Variants in GALNT14 observed in about 807,000 individuals in gnomAD.
GALNT14 encodes UDP-GalNAc:polypeptide N-acetylgalactosaminyltransferase 14.
A neutral mutation model predicts 77.5 loss-of-function variants in GALNT14; 60 were observed. The ratio of observed to expected loss-of-function variants is 0.77; its 90% CI spans 0.63 to 0.96. GALNT14 has a LOEUF of 0.96. Ranked by LOEUF, GALNT14 falls within the 40% of genes least tolerant of loss-of-function variation. GALNT14 has a pLI of 0.00. For missense variants in GALNT14, 710 were observed against 731.0 expected, an observed-to-expected ratio of 0.97 and a Z score of 0.33; for synonymous variants, 280 against 281.7, an observed-to-expected ratio of 0.99 and a Z score of 0.06.
rs138204092 is a variant in GALNT14 at position 30,944,886 on chromosome 2, G to T, written c.799C>A (p.Arg267=). 9 of 1,610,326 alleles carry T rather than the reference G, an allele frequency of 5.6e-6. No individual in the cohort carries two copies. The African/African-American group carries it at 1.2e-4, about 22-fold the overall frequency. The change falls in exon 8 of 15, where the codon CGG becomes AGG. Residue 267 remains arginine (R), a synonymous_variant. Transcript: ENST00000349752. ...ATGGGCTCCGTGGGGTCCAGGCGCC[G>T]AGCCTTCTGCTCTGGGGAGAGCTGC... ...WEQLSPEQKA[R]RLDPTEPIRT...
rs766100424 is a variant in GALNT14, at chr2:30,910,900, C to T, written c.*1G>A. 1.7e-5 allele frequency: 27 copies of T among 1,613,484 alleles called. No individual in the cohort carries two copies. The highest frequency in any genetic ancestry group is 2.2e-5 in the Non-Finnish European group (26 of 1,179,786). ...GCCCTTGCTGCTTCTGGCAGGGGTC[C>T]TCAAGAGCTCACCATGTCCCAGTGC... On this transcript the variant is annotated 3_prime_UTR_variant, in exon 15 of 15. Coordinates refer to ENST00000349752, the MANE Select transcript of GALNT14 (RefSeq NM_024572.4).
At position 30,914,319 on chromosome 2, in the gene GALNT14, C is replaced by T. The variant is rs1427986293; in HGVS notation, c.1381-1977G>A. On this transcript the variant is annotated intron_variant, in intron 13 of 14. Transcript: ENST00000349752. ...TGATGCTGGAGAGTTAGGGCCGGCT[C>T]TGAGCTCTTTTAGATAACCTTAATC... Among the ~76,000 whole-genome samples, 3 of 152,312 alleles carry T rather than the reference C, an allele frequency of 2.0e-5. No individual in the cohort carries two copies. In the East Asian group the frequency reaches 5.8e-4, roughly 29 times the overall value.
chr2:31,081,187 T>C (rs570566221), intron 1 of GALNT14, among the ~76,000 whole-genome samples: 2 of 152,282 alleles, frequency 1.3e-5, no homozygotes, highest in East Asian at 1.9e-4. Context: ...TCAGAAATGG[T>C]AAAGCTCAGT....
At chr2:31,094,422 T>G (rs1676903333) in intron 1 of GALNT14, among the ~76,000 whole-genome samples, 1 of 152,222 alleles carries the variant, frequency 6.6e-6, no homozygotes, top group Non-Finnish European at 1.5e-5. Flanking sequence ...GCAAAGCCTG[T>G]TTGGTGGTCT....
the GALNT14 span, among the ~76,000 whole-genome samples, chr2:30,902,233 T>C: frequency 6.6e-6 from 1 of 152,114 alleles, no homozygotes; most frequent in African/African-American, 2.4e-5. Context: ...AATGGCTGCT[T>C]TGCTCACTTT....
Position 31,038,723 on chromosome 2 carries a change from CT to C in GALNT14, c.130-45717del, listed in dbSNP as rs372253355. On this transcript the variant is annotated intron_variant, in intron 1 of 14. Coordinates refer to ENST00000349752, the MANE Select transcript of GALNT14 (RefSeq NM_024572.4). ...GGGCAAGTTAAAATCCCACGAAGCTCTTTATTCTTAGTGAGATTCAGCAATT... is the reference window on the plus strand; with the variant it reads ...GGGCAAGTTAAAATCCCACGAAGCTCTTATTCTTAGTGAGATTCAGCAATT... 2.8e-3 allele frequency among the ~76,000 whole-genome samples: 417 copies of C among 150,070 alleles called. 4 individuals carry two copies. The highest frequency in any genetic ancestry group is 9.7e-3 in the African/African-American group (397 of 40,798).
intron 2 of GALNT14, among the ~76,000 whole-genome samples, chr2:30,977,841 C>A (rs1331135403): frequency 6.6e-6 from 1 of 152,162 alleles, no homozygotes; most frequent in Non-Finnish European, 1.5e-5. Context: ...ATACTGCACT[C>A]AAATCTGCCT....
intron 1 of GALNT14, among the ~76,000 whole-genome samples, chr2:31,023,936 C>T (rs1273456391): frequency 6.6e-6 from 1 of 152,156 alleles, no homozygotes; most frequent in Non-Finnish European, 1.5e-5. Flanking sequence ...CTCCAACCCT[C>T]TCATATCCAA....
At chr2:31,043,374 T>C (rs1466146347) in intron 1 of GALNT14, among the ~76,000 whole-genome samples, 1 of 152,224 alleles carries the variant, frequency 6.6e-6, no homozygotes, top group East Asian at 1.9e-4. Flanking sequence ...CTTGCTAAAA[T>C]AAAAATGAGT....
At chr2:30,953,476 T>C (rs940144800) in intron 6 of GALNT14, among the ~76,000 whole-genome samples, 1 of 152,054 alleles carries the variant, frequency 6.6e-6, no homozygotes, top group African/African-American at 2.4e-5. Context: ...ACTCAGCTAA[T>C]TTTTTATATT....
rs1230842010 is a variant in GALNT14 at position 30,972,917 on chromosome 2, C to T, written c.300-6615G>A. 4.6e-5 allele frequency among the ~76,000 whole-genome samples: 7 copies of T among 152,154 alleles called. No homozygotes were observed. The East Asian group carries it at 1.4e-3, about 29-fold the overall frequency. On this transcript the variant is annotated intron_variant, in intron 2 of 14. Coordinates refer to ENST00000349752, the MANE Select transcript of GALNT14 (RefSeq NM_024572.4). Reference sequence around the variant, plus strand: ...TTCCACTGGAGTCTGATCAGGTGGGCGAAGATGTGACCTCAGCAAGGCCCT... The same window carrying T: ...TTCCACTGGAGTCTGATCAGGTGGGTGAAGATGTGACCTCAGCAAGGCCCT...
At chr2:30,898,751 G>T in the GALNT14 span, among the ~76,000 whole-genome samples, 1 of 152,144 alleles carries the variant, frequency 6.6e-6, no homozygotes, top group African/African-American at 2.4e-5. Context: ...CTGCCACTCA[G>T]TTGCTGGGGA....
chr2:31,082,530 A>G (rs924875356), intron 1 of GALNT14, among the ~76,000 whole-genome samples: 10 of 152,280 alleles, frequency 6.6e-5, no homozygotes, highest in Admixed American at 2.6e-4. Context: ...GAAGCTGAAA[A>G]CATGAATTAG....
chr2:30,971,907 G>A (rs566573641), intron 2 of GALNT14, among the ~76,000 whole-genome samples: 4 of 152,188 alleles, frequency 2.6e-5, no homozygotes, highest in Non-Finnish European at 5.9e-5. Context: ...AGCCTATAAC[G>A]GAGAGCGTGA....
At chr2:30,930,523 T>C (rs1292273976) in intron 10 of GALNT14, among the ~76,000 whole-genome samples, 1 of 152,164 alleles carries the variant, frequency 6.6e-6, no homozygotes, top group East Asian at 1.9e-4. Flanking sequence ...CCCTCAGCCA[T>C]CAGGCGTACC....
chr2:31,057,368 GTGTGTGTA>G lies in GALNT14; in HGVS notation c.130-64369_130-64362del, dbSNP rs1223243138. Among the ~76,000 whole-genome samples the G allele has an allele frequency of 5.3e-3, 447 of 84,666 alleles. 1 individual carries two copies. The highest frequency in any genetic ancestry group is 7.9e-3 in the Non-Finnish European group (333 of 41,968). The allele number at this position is 84,666 out of a possible 152,430, so 55.5% of individuals were successfully genotyped here. ...TATATATGTGTGTGTGTGTGTGTGT[GTGTGTGTA>G]TATATATATATATATATACACAGCT... On this transcript the variant is annotated intron_variant, in intron 1 of 14. Transcript: ENST00000349752.
rs565666049 is a variant in GALNT14 at position 31,098,489 on chromosome 2, C to T, written c.129+39469G>A. Reference sequence around the variant, plus strand: ...TTTATGTGGTTCAAAATTAAAAAGGCATGCAATGAAACATTTCCCTTCTAC... The same window carrying T: ...TTTATGTGGTTCAAAATTAAAAAGGTATGCAATGAAACATTTCCCTTCTAC... On this transcript the variant is annotated intron_variant, in intron 1 of 14. Coordinates refer to ENST00000349752, the MANE Select transcript of GALNT14 (RefSeq NM_024572.4). Among the ~76,000 whole-genome samples the T allele has an allele frequency of 6.6e-5, 10 of 152,216 alleles. No homozygotes were observed. In the East Asian group the frequency reaches 1.9e-3, roughly 29 times the overall value.
chr2:30,924,427 A>T (rs892920935), intron 12 of GALNT14, 164 bp from the exon 13 acceptor site: 12 of 714,818 alleles, frequency 1.7e-5, no homozygotes, highest in Non-Finnish European at 2.6e-5. Context: ...ATGAGGTGGC[A>T]AGGAAAGACC....
intron 6 of GALNT14, among the ~76,000 whole-genome samples, chr2:30,948,026 G>A (rs1666804445): frequency 6.6e-6 from 1 of 152,202 alleles, no homozygotes; most frequent in African/African-American, 2.4e-5. Context: ...TTGTGTGTCT[G>A]TGGATATGTC....
Sources: allele counts gnomAD v4.1 joint callset (sites outside exome capture counted in the v4.1 genomes callset), GRCh38; gene constraint gnomAD v4.1.1; transcripts MANE v1.5; gene names NCBI Gene and HGNC (gene_info 2026-07-23, HGNC 2026-07-21).